FLI1: variants seen among roughly 807,000 people sequenced by gnomAD.
FLI1 encodes Friend leukemia integration 1 transcription factor.
In FLI1, 13 loss-of-function variants were observed where a neutral mutation model predicts 53.1. The ratio of observed to expected loss-of-function variants is 0.24; its 90% CI spans 0.16 to 0.39. FLI1 has a LOEUF of 0.39. FLI1 is among the 10% of genes least tolerant of loss of function. The probability of loss-of-function intolerance (pLI) is 1.00; values close to 1 mark genes in which losing one functional copy is unlikely to be tolerated. For synonymous variants in FLI1, 244 were observed against 236.7 expected, an observed-to-expected ratio of 1.03 and a Z score of -0.28; for missense variants, 424 against 600.5, an observed-to-expected ratio of 0.71 and a Z score of 3.07.
chr11:128,721,398 G>A (rs1160652751), intron 1 of FLI1, among the ~76,000 whole-genome samples: 7 of 152,218 alleles, frequency 4.6e-5, no homozygotes, highest in Non-Finnish European at 1.0e-4. Flanking sequence ...GAAGAAACTA[G>A]AATTGAAGAG....
At chr11:128,729,305 G>C (rs1438731061) in intron 1 of FLI1, among the ~76,000 whole-genome samples, 9 of 152,194 alleles carry the variant, frequency 5.9e-5, no homozygotes. Flanking sequence ...CTCACAGGTG[G>C]GAGGGAAGAA....
intron 1 of FLI1, among the ~76,000 whole-genome samples, chr11:128,713,022 T>C (rs1426760816): frequency 2.0e-5 from 3 of 152,204 alleles, no homozygotes; most frequent in Non-Finnish European, 4.4e-5. Flanking sequence ...AGCTTTTTCT[T>C]TGGAAGTCTT....
chr11:128,807,279 C>T (rs1387170168), intron 7 of FLI1, 40 bp downstream of exon 7: 3 of 1,463,266 alleles, frequency 2.1e-6, no homozygotes, highest in African/African-American at 2.8e-5. Context: ...TTGCTTCCTG[C>T]ACAGTTGTTG....
At chr11:128,763,038 A>G (rs564692) in intron 2 of FLI1, among the ~76,000 whole-genome samples, 57,083 of 151,740 alleles carry the variant, frequency 0.38, 11,022 homozygotes, top group East Asian at 0.61. Context: ...GGTGGTCTGG[A>G]CTGTTCTGTG....
chr11:128,754,582 G>A (rs1940790982), intron 1 of FLI1, among the ~76,000 whole-genome samples: 1 of 152,224 alleles, frequency 6.6e-6, no homozygotes, highest in African/African-American at 2.4e-5. Context: ...AAGTGTGGCA[G>A]GTGGGACAAA....
At chr11:128,717,050 G>A (rs1939044300) in intron 1 of FLI1, among the ~76,000 whole-genome samples, 1 of 152,094 alleles carries the variant, frequency 6.6e-6, no homozygotes. Context: ...TTCCAAGGTA[G>A]GGAGGAAGCA....
chr11:128,758,059 CACTT>C, intron 1 of FLI1, 52 bp from the exon 2 acceptor site: 1 of 1,489,078 alleles, frequency 6.7e-7, no homozygotes. Flanking sequence ...GCAAGAGTGT[CACTT>C]GCTTGGGTGA....
At chr11:128,788,652 A>T (rs1942173905) in intron 5 of FLI1, among the ~76,000 whole-genome samples, 1 of 152,220 alleles carries the variant, frequency 6.6e-6, no homozygotes. Context: ...CCCTTATAGA[A>T]CAGGAGAGAT....
At position 128,703,566 on chromosome 11, in the gene FLI1, C is replaced by T. The variant is rs959228598; in HGVS notation, c.18+9290C>T. 5.9e-5 allele frequency among the ~76,000 whole-genome samples: 9 copies of T among 152,018 alleles called. No individual in the cohort carries two copies. The East Asian group carries it at 7.7e-4, about 13-fold the overall frequency. On this transcript the variant is annotated intron_variant, in intron 1 of 8. Coordinates refer to ENST00000527786, the MANE Select transcript of FLI1 (RefSeq NM_002017.5). ...AGCAAAAAGTTCCAAAATATTGGGC[C>T]GGGCACGGTGGCTCACTCCTGTAAT... is the stretch of plus-strand genomic sequence containing the variant.
intron 1 of FLI1, among the ~76,000 whole-genome samples, chr11:128,716,368 G>A (rs1182003886): frequency 2.6e-5 from 4 of 152,148 alleles, no homozygotes; most frequent in Admixed American, 1.3e-4. Context: ...CAGAGCTGGG[G>A]GTGGGGGTGC....
intron 4 of FLI1, among the ~76,000 whole-genome samples, chr11:128,774,752 C>T (rs2135848445): frequency 6.6e-6 from 1 of 152,282 alleles, no homozygotes; most frequent in East Asian, 1.9e-4. Flanking sequence ...GTGGGGAAAG[C>T]CCATTCATGC....
chr11:128,714,160 T>C (rs1466089026), intron 1 of FLI1, among the ~76,000 whole-genome samples: 3 of 144,854 alleles, frequency 2.1e-5, no homozygotes, highest in Middle Eastern at 3.9e-3. Context: ...AAATCTCAGC[T>C]ATGAAAGCTC....
chr11:128,694,855 T>C (rs772132422), intron 1 of FLI1, among the ~76,000 whole-genome samples: 7 of 152,150 alleles, frequency 4.6e-5, no homozygotes, highest in Non-Finnish European at 8.8e-5. Flanking sequence ...CCTGTTTACA[T>C]GTCAGCGCTT....
chr11:128,691,640 G>A (rs985110631), upstream of FLI1: 2 of 152,262 alleles, frequency 1.3e-5, no homozygotes, highest in African/African-American at 4.8e-5. Context: ...CCGTAGCTTT[G>A]GAGAAACAGA....
chr11:128,810,746 C>G lies in FLI1; in HGVS notation c.1117C>G (p.Pro373Ala). ...CATTGCCCAGGCTCTGCAGCCACAT[C>G]CGACCGAGTCGTCCATGTACAAGTA... ...HGIAQALQPH[P>A]TESSMYKYPS... The change falls in exon 9 of 9, where the codon CCG becomes GCG. Residue 373 changes from proline (P) to alanine (A), a missense_variant. This residue lies in a region of FLI1 where 71 missense variants were observed against 174.2 expected (regional missense o/e 0.41). Transcript: ENST00000527786. The surrounding 1 kb of genome is among the most constrained non-coding windows in gnomAD (Gnocchi z 6.6). The G allele has an allele frequency of 6.2e-7, 1 of 1,614,096 alleles. No homozygotes were observed. Among genetic ancestry groups the G allele is most frequent in the Non-Finnish European group, 8.5e-7 (1 of 1,179,910 alleles).
rs988628979 is a variant in FLI1 at position 128,748,200 on chromosome 11, AC to A, written c.19-9914del. The A allele has an allele frequency of 7.9e-6, 7 of 887,530 alleles. No homozygotes were observed. The African/African-American group carries it at 1.3e-4, about 16-fold the overall frequency. 55.0% of individuals were successfully genotyped at this position (887,530 alleles called of 1,614,324 possible). On this transcript the variant is annotated intron_variant, in intron 1 of 8. Transcript: ENST00000527786. ...TTTGTAAAACACCATTAAATAAAGTACTTTCGTCTGCAAATAATTGCAATTG... is the reference window on the plus strand; with the variant it reads ...TTTGTAAAACACCATTAAATAAAGTATTTCGTCTGCAAATAATTGCAATTG...
In FLI1 at chr11:128,697,163, T is replaced by C. The variant is rs548048474; in HGVS notation, c.18+2887T>C. The stretch of plus-strand genomic sequence containing the variant: ...GATATTATCAGTGTTAAAAAGCACA[T>C]GATACTGTTTGCTGCTTTAAGAAAT... On this transcript the variant is annotated intron_variant, in intron 1 of 8. Coordinates refer to ENST00000527786, the MANE Select transcript of FLI1 (RefSeq NM_002017.5). 2.6e-4 allele frequency among the ~76,000 whole-genome samples: 39 copies of C among 152,338 alleles called. 1 individual carries two copies. In the South Asian group the frequency reaches 4.3e-3, roughly 17 times the overall value.
chr11:128,800,659 A>T (rs905087737), intron 5 of FLI1, among the ~76,000 whole-genome samples: 2 of 152,136 alleles, frequency 1.3e-5, no homozygotes, highest in African/African-American at 4.8e-5. Context: ...ATATTTCTCT[A>T]CCTCAGGAGG....
intron 1 of FLI1, among the ~76,000 whole-genome samples, chr11:128,750,745 A>G (rs1210175108): frequency 1.3e-5 from 2 of 152,240 alleles, no homozygotes; most frequent in African/African-American, 2.4e-5. Context: ...GAAAAGTAAC[A>G]TTTGACTTAA....
Sources: allele counts gnomAD v4.1 joint callset (sites outside exome capture counted in the v4.1 genomes callset), GRCh38; gene constraint gnomAD v4.1.1; regional missense constraint gnomAD v4.1.1; non-coding constraint Gnocchi (gnomAD v3.1); transcripts MANE v1.5; gene names NCBI Gene and HGNC (gene_info 2026-07-23, HGNC 2026-07-21).